Variants in GRHL3 observed in about 807,000 individuals in gnomAD.
GRHL3 encodes grainyhead like transcription factor 3, also known as grainyhead-like protein 3 homolog.
Under a neutral mutation model 70.3 loss-of-function variants are expected in GRHL3, and 20 were observed. The observed-to-expected ratio is 0.28, with a 90% CI of 0.20 to 0.41. The LOEUF is 0.41. Among genes scored for constraint, GRHL3 ranks in the 10% least tolerant of loss-of-function variants. GRHL3 has a pLI of 1.00. For missense variants in GRHL3, 637 were observed against 762.3 expected, an observed-to-expected ratio of 0.84 and a Z score of 1.94; for synonymous variants, 299 against 299.9, an observed-to-expected ratio of 1.00 and a Z score of 0.03.
chr1:24,342,606 G>A lies in GRHL3; in HGVS notation c.1207-88G>A. 2 of 1,187,818 alleles carry A rather than the reference G, an allele frequency of 1.7e-6. No homozygotes were observed. Among genetic ancestry groups the A allele is most frequent in the Non-Finnish European group, 2.5e-6 (2 of 795,218 alleles). 73.6% of individuals were successfully genotyped at this position (1,187,818 alleles called of 1,614,324 possible). A position where few individuals can be genotyped will look rare whatever the true frequency, so the allele number is the denominator to read the frequency against. On this transcript the variant is annotated intron_variant, in intron 9 of 15. Transcript: ENST00000361548. The surrounding 1 kb of genome is among the most constrained non-coding windows in gnomAD (Gnocchi z 4.8). Reference sequence around the variant, plus strand: ...TGGAAAAAAGAAGGACCAGAAGCTTGGCCCATATTTAAGATGCAAAGCAGC... The same window carrying A: ...TGGAAAAAAGAAGGACCAGAAGCTTAGCCCATATTTAAGATGCAAAGCAGC...
At chr1:24,345,001 C>T (rs554930154) in intron 12 of GRHL3, 70 bp downstream of exon 12, 2 of 1,484,498 alleles carry the variant, frequency 1.3e-6, no homozygotes, top group Admixed American at 1.7e-5. Context: ...CCCCTCCACA[C>T]CTGTGCCTCC....
In GRHL3 at chr1:24,360,424, C is replaced by T. The variant is rs1029898490; in HGVS notation, c.1695-3761C>T. On this transcript the variant is annotated intron_variant, in intron 15 of 15. Coordinates refer to the GRHL3 transcript ENST00000350501. ...CCGCACTACTGCACTCCAGCCTGGG[C>T]GATACAGCGAGACTCCGTCTCAAAA... Among the ~76,000 whole-genome samples the T allele has an allele frequency of 3.9e-5, 6 of 152,000 alleles. No homozygotes were observed. The South Asian group carries it at 1.2e-3, about 32-fold the overall frequency.
In GRHL3 at chr1:24,334,588, A is replaced by G; in HGVS notation, c.205-57A>G. 1 of 1,436,452 alleles carries G rather than the reference A, an allele frequency of 7.0e-7. No individual in the cohort carries two copies. 89.0% of individuals were successfully genotyped at this position (1,436,452 alleles called of 1,614,324 possible). A position where few individuals can be genotyped will look rare whatever the true frequency, so the allele number is the denominator to read the frequency against. On this transcript the variant is annotated intron_variant, in intron 2 of 15. Transcript: ENST00000361548. The surrounding 1 kb of genome is among the most constrained non-coding windows in gnomAD (Gnocchi z 4.3). ...TGGCCAAAGCTGCAGGAGGGGATTG[A>G]GGCTCCTACCAGCAGAAGCTTAGCC...
At position 24,344,797 on chromosome 1, in the gene GRHL3, C is replaced by T. The variant is rs4648859; in HGVS notation, c.1420-100C>T. ...AGGCATTGTAACAGTATTCTCCCCA[C>T]CTCCCACCAAAAATATTCCTCCCAG... On this transcript the variant is annotated intron_variant, in intron 11 of 15. Coordinates refer to ENST00000361548, the MANE Select transcript of GRHL3 (RefSeq NM_198173.3). 279,435 of 1,331,158 alleles carry T rather than the reference C, an allele frequency of 0.21. 36,580 individuals carry two copies. Among genetic ancestry groups the T allele is most frequent in the African/African-American group, 0.6 (41,578 of 69,138 alleles). The allele number at this position is 1,331,158 out of a possible 1,614,324, so 82.5% of individuals were successfully genotyped here.
In GRHL3 at chr1:24,322,843, T is replaced by C. The variant is rs558655581; in HGVS notation, c.17+3275T>C. Among the ~76,000 whole-genome samples, 3 of 152,338 alleles carry C rather than the reference T, an allele frequency of 2.0e-5. No homozygotes were observed. Among genetic ancestry groups the C allele is most frequent in the African/African-American group, 4.8e-5 (2 of 41,574 alleles). On this transcript the variant is annotated intron_variant, in intron 1 of 15. Transcript: ENST00000361548. This position sits in a 1 kb window ranked among gnomAD's most constrained non-coding sequence, Gnocchi z 4.4. Reference sequence around the variant, plus strand: ...GACATTGTGTCGAGTGCTTGATAAATACACGCTCTTCTTTAAACCCTCCCA... The same window carrying C: ...GACATTGTGTCGAGTGCTTGATAAACACACGCTCTTCTTTAAACCCTCCCA...
chr1:24,355,846 A>G (rs1640696278), downstream of GRHL3, among the ~76,000 whole-genome samples: 1 of 149,728 alleles, frequency 6.7e-6, no homozygotes, highest in Non-Finnish European at 1.5e-5. Flanking sequence ...CAAGGCCTTT[A>G]TTTTCCTTAG....
intron 15 of GRHL3, among the ~76,000 whole-genome samples, chr1:24,352,880 C>A (rs1013068760): frequency 6.6e-6 from 1 of 152,198 alleles, no homozygotes; most frequent in Non-Finnish European, 1.5e-5. Flanking sequence ...CCACTGACAG[C>A]CCAAGCCTGG....
intron 2 of GRHL3, among the ~76,000 whole-genome samples, chr1:24,333,414 G>C (rs1360384527): frequency 6.6e-6 from 1 of 152,222 alleles, no homozygotes; most frequent in South Asian, 2.1e-4. Context: ...GTGATTAAGA[G>C]TACAGGCTTT....
At position 24,346,544 on chromosome 1, in the gene GRHL3, T is replaced by A; in HGVS notation, c.1455-9T>A. 6.2e-7 allele frequency: 1 copy of A among 1,605,668 alleles called. No homozygotes were observed. The highest frequency in any genetic ancestry group is 8.5e-7 in the Non-Finnish European group (1 of 1,173,334). Reference sequence around the variant, plus strand: ...TTTCTCACAAGCTCCCCCACTGCCATCCCCACAGGCTGCCTCTGAAGCGTA... The same window carrying A: ...TTTCTCACAAGCTCCCCCACTGCCAACCCCACAGGCTGCCTCTGAAGCGTA... On this transcript the variant is annotated splice_polypyrimidine_tract_variant and intron_variant, in intron 12 of 15. Transcript: ENST00000361548.
At chr1:24,351,317 C>A (rs1569924574) in intron 15 of GRHL3, among the ~76,000 whole-genome samples, 1 of 152,160 alleles carries the variant, frequency 6.6e-6, no homozygotes, top group East Asian at 1.9e-4. Flanking sequence ...CCCAGCCCTG[C>A]CTGCCTTCCT....
In GRHL3 at chr1:24,346,195, TA is replaced by T. The variant is rs751154175; in HGVS notation, c.1455-357del. Among the ~76,000 whole-genome samples, 4 of 152,020 alleles carry T rather than the reference TA, an allele frequency of 2.6e-5. No homozygotes were observed. In the East Asian group the frequency reaches 7.8e-4, roughly 30 times the overall value. ...ATGATGATGACGATGAGTCCACATT[TA>T]TTGAGGCCCTCCTGTGCGTCACAGT... On this transcript the variant is annotated intron_variant, in intron 12 of 15. Transcript: ENST00000361548.
In GRHL3 at chr1:24,338,249, T is replaced by C. The variant is rs913353957; in HGVS notation, c.952+146T>C. 1.4e-5 allele frequency: 8 copies of C among 579,130 alleles called. No homozygotes were observed. The African/African-American group carries it at 1.5e-4, about 11-fold the overall frequency. 35.9% of individuals were successfully genotyped at this position (579,130 alleles called of 1,614,324 possible). On this transcript the variant is annotated intron_variant, in intron 7 of 15. Coordinates refer to ENST00000361548, the MANE Select transcript of GRHL3 (RefSeq NM_198173.3). ...AAACACCGTGGGGTTTGCAAGGATT[T>C]GCATCTGTTGACTAGAAGTTGTGGC...
intron 15 of GRHL3, among the ~76,000 whole-genome samples, chr1:24,353,116 G>C (rs1267320125): frequency 6.6e-6 from 1 of 152,206 alleles, no homozygotes; most frequent in Non-Finnish European, 1.5e-5. Flanking sequence ...AAAGAGAAAA[G>C]GTTCAAATCC....
chr1:24,321,805 ACCAGCTGGAGGTGGCTGGCGGGTG>A lies in GRHL3; in HGVS notation c.17+2239_17+2262del, dbSNP rs1639198656. 1 of 152,134 alleles carries A rather than the reference ACCAGCTGGAGGTGGCTGGCGGGTG, an allele frequency of 6.6e-6. No homozygotes were observed. Among genetic ancestry groups the A allele is most frequent in the African/African-American group, 2.4e-5 (1 of 41,404 alleles). 9.4% of individuals were successfully genotyped at this position (152,134 alleles called of 1,614,324 possible). ...GGAGGCCCCGGCGGTGTAGTTAGAAACCAGCTGGAGGTGGCTGGCGGGTGCTGAGCGCCGGGCCTTTCATGTGGT... is the reference window on the plus strand; with the variant it reads ...GGAGGCCCCGGCGGTGTAGTTAGAAACTGAGCGCCGGGCCTTTCATGTGGT... On this transcript the variant is annotated intron_variant, in intron 1 of 15. Transcript: ENST00000361548. This position sits in a 1 kb window ranked among gnomAD's most constrained non-coding sequence, Gnocchi z 4.0.
At chr1:24,344,781 A>C in intron 11 of GRHL3, 116 bp from the exon 12 acceptor site, 1 of 1,104,588 alleles carries the variant, frequency 9.1e-7, no homozygotes, top group Non-Finnish European at 1.4e-6. Context: ...AAGGCATTGT[A>C]ACAGTATTCT....
At position 24,342,634 on chromosome 1, in the gene GRHL3, C is replaced by T; in HGVS notation, c.1207-60C>T. 7.1e-7 allele frequency: 1 copy of T among 1,399,054 alleles called. No homozygotes were observed. Among genetic ancestry groups the T allele is most frequent in the Non-Finnish European group, 1.0e-6 (1 of 985,220 alleles). 86.7% of individuals were successfully genotyped at this position (1,399,054 alleles called of 1,614,324 possible). ...CCATATTTAAGATGCAAAGCAGCAGCTGTGAAAGTAGCTAGCCCCTCCCAG... is the reference window on the plus strand; with the variant it reads ...CCATATTTAAGATGCAAAGCAGCAGTTGTGAAAGTAGCTAGCCCCTCCCAG... On this transcript the variant is annotated intron_variant, in intron 9 of 15. Coordinates refer to ENST00000361548, the MANE Select transcript of GRHL3 (RefSeq NM_198173.3). The surrounding 1 kb of genome is among the most constrained non-coding windows in gnomAD (Gnocchi z 4.8).
rs1639184011 is a variant in GRHL3, at chr1:24,321,491, C to T, written c.17+1923C>T. 6.6e-6 allele frequency among the ~76,000 whole-genome samples: 1 copy of T among 152,238 alleles called. No individual in the cohort carries two copies. Among genetic ancestry groups the T allele is most frequent in the South Asian group, 2.1e-4 (1 of 4,832 alleles). Reference sequence around the variant, plus strand: ...AAAGTGCCAAGTTAAGAGGACTGGCCATAGCTTACAGCTTGGGCCCTCATG... The same window carrying T: ...AAAGTGCCAAGTTAAGAGGACTGGCTATAGCTTACAGCTTGGGCCCTCATG... On this transcript the variant is annotated intron_variant, in intron 1 of 15. Transcript: ENST00000361548. The surrounding 1 kb of genome is among the most constrained non-coding windows in gnomAD (Gnocchi z 4.0).
intron 11 of GRHL3, among the ~76,000 whole-genome samples, chr1:24,344,218 G>A (rs527770680): frequency 2.6e-5 from 4 of 152,196 alleles, no homozygotes; most frequent in Non-Finnish European, 4.4e-5. Context: ...GCCTCCTGCC[G>A]GGCGTGTCAT....
At chr1:24,341,101 A>G (rs1640017907) in intron 8 of GRHL3, among the ~76,000 whole-genome samples, 1 of 152,116 alleles carries the variant, frequency 6.6e-6, no homozygotes, top group Non-Finnish European at 1.5e-5. Context: ...AAATGTTCCA[A>G]AGACCAGGGG....
Sources: allele counts gnomAD v4.1 joint callset (sites outside exome capture counted in the v4.1 genomes callset), GRCh38; gene constraint gnomAD v4.1.1; non-coding constraint Gnocchi (gnomAD v3.1); transcripts MANE v1.5; gene names NCBI Gene and HGNC (gene_info 2026-07-23, HGNC 2026-07-21).